SCGB1D1: variants seen among roughly 807,000 people sequenced by gnomAD.
SCGB1D1 encodes the protein secretoglobin family 1D member 1.
Under a neutral mutation model 8.3 loss-of-function variants are expected in SCGB1D1, and 10 were observed. The ratio of observed to expected loss-of-function variants is 1.21; its 90% CI spans 0.74 to 2.05. SCGB1D1 has a LOEUF of 2.05. SCGB1D1 is among the 30% of genes most tolerant of loss of function. The pLI is 0.00. For synonymous variants in SCGB1D1, 46 were observed against 41.7 expected (o/e 1.10, Z -0.39); for missense variants, 94 against 105.1 (o/e 0.89, Z 0.46).
chr11:62,190,219 C>T lies in SCGB1D1; in HGVS notation c.-66C>T, dbSNP rs548710729. On this transcript the variant is annotated 5_prime_UTR_variant, in exon 1 of 3. Transcript: ENST00000306238. ...GCCCTGGGCTCCACGGCTCCACAGGCTCCCGGGGCTGAGTCTAAATCACTC... is the reference window on the plus strand; with the variant it reads ...GCCCTGGGCTCCACGGCTCCACAGGTTCCCGGGGCTGAGTCTAAATCACTC... 13 of 1,602,958 alleles carry T rather than the reference C, an allele frequency of 8.1e-6. No individual in the cohort carries two copies. Among genetic ancestry groups the T allele is most frequent in the Non-Finnish European group, 1.0e-5 (12 of 1,170,904 alleles).
At chr11:62,192,830 T>A (rs1944689494) in intron 2 of SCGB1D1, among the ~76,000 whole-genome samples, 1 of 152,332 alleles carries the variant, frequency 6.6e-6, no homozygotes, top group South Asian at 2.1e-4. Flanking sequence ...CCCTCGCTAC[T>A]CTACCTCCTG....
chr11:62,192,029 A>G (rs1280150810), intron 1 of SCGB1D1, 27 bp from the exon 2 acceptor site: 2 of 1,573,434 alleles, frequency 1.3e-6, no homozygotes, highest in African/African-American at 1.4e-5. Context: ...TCCTTACACA[A>G]ATTATATTTT....
intron 1 of SCGB1D1, among the ~76,000 whole-genome samples, chr11:62,191,197 C>T (rs1163066847): frequency 6.6e-6 from 1 of 152,150 alleles, no homozygotes; most frequent in African/African-American, 2.4e-5. Context: ...CACCCCGATC[C>T]TACCCTCTCC....
At chr11:62,191,508 G>T (rs1944677662) in intron 1 of SCGB1D1, among the ~76,000 whole-genome samples, 2 of 152,012 alleles carry the variant, frequency 1.3e-5, no homozygotes, top group African/African-American at 2.4e-5. Flanking sequence ...GTTTTAATTT[G>T]TTTACCTTTT....
Position 62,192,262 on chromosome 11 carries a change from A to T in SCGB1D1, c.243+19A>T. ...AACATTGGTAATTTCTGTCTCTTTC[A>T]TGTGTCCAGGCTTCTGGTCAGCGGC... On this transcript the variant is annotated intron_variant, in intron 2 of 2. Transcript: ENST00000306238. The T allele has an allele frequency of 5.8e-6, 9 of 1,555,942 alleles. No individual in the cohort carries two copies. The highest frequency in any genetic ancestry group is 8.0e-6 in the Non-Finnish European group (9 of 1,131,226).
At chr11:62,190,676 A>G (rs371838892) in intron 1 of SCGB1D1, among the ~76,000 whole-genome samples, 101 of 150,594 alleles carry the variant, frequency 6.7e-4, no homozygotes, top group East Asian at 4.9e-3. Flanking sequence ...CAAGATGCTC[A>G]CCCTCCCCGC....
chr11:62,190,898 G>A (rs753050586), intron 1 of SCGB1D1, among the ~76,000 whole-genome samples: 1 of 152,102 alleles, frequency 6.6e-6, no homozygotes, highest in Non-Finnish European at 1.5e-5. Context: ...AAGGATCCTT[G>A]GAGAACTCTC....
chr11:62,192,204 G>A lies in SCGB1D1; in HGVS notation c.204G>A (p.Thr68=), dbSNP rs140077440. The change falls in exon 2 of 3, where the codon ACG becomes ACA. Residue 68 remains threonine, a synonymous_variant. Transcript: ENST00000306238. ...TGGAAGTGAAGAAATGCGTGGATAC[G>A]ATGGCCTATGAGAAAAGAGTGCTAA... ...AKMEVKKCVD[T]MAYEKRVLIT... is the part of the protein sequence containing the mutation. 13 of 1,613,196 alleles carry A rather than the reference G, an allele frequency of 8.1e-6. No individual in the cohort carries two copies. The highest frequency in any genetic ancestry group is 1.6e-4 in the Middle Eastern group (1 of 6,080).
chr11:62,190,584 G>GCA (rs1944671270), intron 1 of SCGB1D1, among the ~76,000 whole-genome samples: 1 of 152,166 alleles, frequency 6.6e-6, no homozygotes, highest in Non-Finnish European at 1.5e-5. Context: ...CTTCACTCTT[G>GCA]GATGGGATCT....
intron 1 of SCGB1D1, among the ~76,000 whole-genome samples, chr11:62,190,999 G>C (rs1590647294): frequency 6.6e-6 from 1 of 152,110 alleles, no homozygotes; most frequent in East Asian, 1.9e-4. Context: ...TATCTTCTAG[G>C]GGTCCTACCG....
intron 1 of SCGB1D1, among the ~76,000 whole-genome samples, chr11:62,190,754 G>C (rs1944672254): frequency 6.6e-6 from 1 of 152,208 alleles, no homozygotes; most frequent in African/African-American, 2.4e-5. Flanking sequence ...TGGGATTATT[G>C]TGCCAAGGGT....
chr11:62,192,384 G>A (rs1446680230), intron 2 of SCGB1D1, 141 bp downstream of exon 2: 3 of 689,648 alleles, frequency 4.4e-6, no homozygotes, highest in African/African-American at 3.6e-5. Context: ...GGTCACCTGG[G>A]ACCACAGGGT....
chr11:62,190,549 G>A (rs980123147), intron 1 of SCGB1D1, among the ~76,000 whole-genome samples: 9 of 152,162 alleles, frequency 5.9e-5, no homozygotes, highest in African/African-American at 2.2e-4. Flanking sequence ...ATCAATGCAG[G>A]CGAACGTTAG....
rs1944695902 is a variant in SCGB1D1 at position 62,193,466 on chromosome 11, T to G, written c.*38T>G. 6.5e-7 allele frequency: 1 copy of G among 1,545,924 alleles called. No individual in the cohort carries two copies. The highest frequency in any genetic ancestry group is 1.4e-5 in the African/African-American group (1 of 73,576). ...TTTTAATGCTAGTTTCCACCATCTT[T>G]CAATGATACCCTGATCTTCACTGCA... On this transcript the variant is annotated 3_prime_UTR_variant, in exon 3 of 3. Transcript: ENST00000306238.
At chr11:62,192,897 T>A (rs1346929408) in intron 2 of SCGB1D1, among the ~76,000 whole-genome samples, 2 of 152,342 alleles carry the variant, frequency 1.3e-5, no homozygotes, top group East Asian at 3.9e-4. Flanking sequence ...TCAGAGGTTT[T>A]CCAGGGGCCT....
Position 62,192,139 on chromosome 11 carries a change from G to T in SCGB1D1, c.139G>T (p.Ala47Ser). The T allele has an allele frequency of 6.2e-7, 1 of 1,613,868 alleles. No homozygotes were observed. The highest frequency in any genetic ancestry group is 1.1e-5 in the South Asian group (1 of 91,042). Reference sequence around the variant, plus strand: ...AAAACCTGTGTTCAAGTTCCAACTTGCCAAATTTAAGGCACCTCTGGAAGC... The same window carrying T: ...AAAACCTGTGTTCAAGTTCCAACTTTCCAAATTTAAGGCACCTCTGGAAGC... The part of the protein sequence containing the change: ...AGKPVFKFQL[A>S]KFKAPLEAVA... Residue 47 changes from alanine to serine, a missense_variant, in exon 2 of 3, where the codon GCC becomes TCC. Ala to Ser is a moderately conservative substitution (Grantham distance 99). Coordinates refer to ENST00000306238, the MANE Select transcript of SCGB1D1 (RefSeq NM_006552.2).
Position 62,192,060 on chromosome 11 carries a change from T to C in SCGB1D1, c.60T>C (p.Asn20=). The change falls in exon 2 of 3, where the codon AAT becomes AAC. Residue 20 remains asparagine, a synonymous_variant. Transcript: ENST00000306238. ...LTLALCCYRA[N]AVVCQALGSE... is the part of the protein sequence containing the mutation. ...ATTTTTATTCTTTTGCTCCAGCAAA[T>C]GCAGTGGTCTGCCAAGCTCTTGGTT... 3.8e-6 allele frequency: 6 copies of C among 1,594,196 alleles called. No homozygotes were observed. Among genetic ancestry groups the C allele is most frequent in the Non-Finnish European group, 5.1e-6 (6 of 1,166,990 alleles).
At chr11:62,190,870 A>C (rs11230973) in intron 1 of SCGB1D1, among the ~76,000 whole-genome samples, 1 of 152,036 alleles carries the variant, frequency 6.6e-6, no homozygotes, top group Non-Finnish European at 1.5e-5. Context: ...ATTCAGACTC[A>C]TAAAATGTTA....
At chr11:62,193,113 G>A (rs1944691988) in intron 2 of SCGB1D1, among the ~76,000 whole-genome samples, 1 of 152,166 alleles carries the variant, frequency 6.6e-6, no homozygotes, top group Non-Finnish European at 1.5e-5. Flanking sequence ...GGGAACAGGA[G>A]ACTCCAAGTC....
Sources: gnomAD v4.1 joint callset for allele counts (sites outside exome capture counted in the v4.1 genomes callset) on GRCh38, gnomAD v4.1.1 for gene constraint, MANE v1.5 for transcripts, NCBI Gene and HGNC (gene_info 2026-07-23, HGNC 2026-07-21) for gene names.